SRGN: variants seen among roughly 807,000 people sequenced by gnomAD.
SRGN encodes the protein hematopoetic proteoglycan core peptide.
Under a neutral mutation model 9.5 loss-of-function variants are expected in SRGN, and 2 were observed. The ratio of observed to expected loss-of-function variants is 0.21; its 90% CI spans 0.09 to 0.66. The LOEUF is 0.66. Ranked by LOEUF, SRGN falls within the 30% of genes least tolerant of loss-of-function variation. The pLI, the probability that SRGN is intolerant of heterozygous loss-of-function variation, is 0.83. For synonymous variants in SRGN, 59 were observed against 72.3 expected (o/e 0.82, Z 0.93); for missense variants, 170 against 192.4 (o/e 0.88, Z 0.69).
At chr10:69,099,533 A>C (rs1330952275) in intron 2 of SRGN, among the ~76,000 whole-genome samples, 1 of 151,816 alleles carries the variant, frequency 6.6e-6, no homozygotes, top group African/African-American at 2.4e-5. Context: ...ATGTACTCCT[A>C]AACTCAAGCA....
At chr10:69,092,363 T>C (rs1051440266) in intron 1 of SRGN, among the ~76,000 whole-genome samples, 1 of 152,234 alleles carries the variant, frequency 6.6e-6, no homozygotes, top group Admixed American at 6.5e-5. Flanking sequence ...TTAAAGTACA[T>C]TTAACATCAT....
At chr10:69,095,866 C>G (rs1048878405) in intron 1 of SRGN, among the ~76,000 whole-genome samples, 2 of 151,956 alleles carry the variant, frequency 1.3e-5, no homozygotes, top group Non-Finnish European at 2.9e-5. Flanking sequence ...GAGCCGAGAT[C>G]GTGACAGTGC....
At position 69,088,199 on chromosome 10, in the gene SRGN, T is replaced by C; in HGVS notation, c.42T>C (p.Ala14=). ...KLLKCSRLVL[A]LALILVLESS... is the part of the protein sequence containing the mutation. ...TCAAATGCAGTCGGCTTGTCCTGGC[T>C]CTTGCCCTCATCCTGGTTCTGGAAT... The change falls in exon 1 of 3, where the codon GCT becomes GCC. Residue 14 remains alanine, a synonymous_variant. Coordinates refer to ENST00000242465, the MANE Select transcript of SRGN (RefSeq NM_002727.4). The C allele has an allele frequency of 3.7e-6, 6 of 1,614,228 alleles. No homozygotes were observed. The highest frequency in any genetic ancestry group is 5.1e-6 in the Non-Finnish European group (6 of 1,180,046).
chr10:69,087,657 T>C (rs1019709654), upstream of SRGN, among the ~76,000 whole-genome samples: 1 of 151,750 alleles, frequency 6.6e-6, no homozygotes, highest in Non-Finnish European at 1.5e-5. Flanking sequence ...CTTGGCTCAG[T>C]GAGGTATGTT....
intron 1 of SRGN, among the ~76,000 whole-genome samples, chr10:69,091,363 T>C (rs1250761402): frequency 6.6e-6 from 1 of 152,018 alleles, no homozygotes; most frequent in Non-Finnish European, 1.5e-5. Flanking sequence ...TCCCACTGAG[T>C]TGAGGGAGAA....
In SRGN at chr10:69,104,032, A is replaced by G; in HGVS notation, c.389A>G (p.His130Arg). The change falls in exon 3 of 3, where the codon CAT (histidine) becomes CGT (arginine). Residue 130 changes from histidine to arginine, a missense_variant. His to Arg is a conservative substitution (Grantham distance 29, BLOSUM62 0). Transcript: ENST00000242465. ...YQLVDESDAF[H>R]DNLRSLDRNL... is the part of the protein sequence containing the mutation. ...CTAGTAGACGAAAGTGATGCTTTCC[A>G]TGACAACCTTAGGTCTCTTGACAGG... The G allele has an allele frequency of 6.2e-7, 1 of 1,614,222 alleles. No individual in the cohort carries two copies. Among genetic ancestry groups the G allele is most frequent in the Non-Finnish European group, 8.5e-7 (1 of 1,180,030 alleles).
intron 2 of SRGN, among the ~76,000 whole-genome samples, chr10:69,099,413 G>T (rs1195540457): frequency 8.0e-5 from 12 of 150,154 alleles, no homozygotes; most frequent in Non-Finnish European, 1.5e-5. Flanking sequence ...TGATCTTCCT[G>T]CCTCAGCCTC....
chr10:69,100,596 C>T (rs928344821), intron 2 of SRGN, among the ~76,000 whole-genome samples: 2 of 152,102 alleles, frequency 1.3e-5, no homozygotes, highest in Non-Finnish European at 2.9e-5. Flanking sequence ...CCCGTCATTG[C>T]GAAAGAATGG....
At chr10:69,097,314 G>A (rs1337981443) in intron 2 of SRGN, 83 bp downstream of exon 2, 8 of 1,178,154 alleles carry the variant, frequency 6.8e-6, no homozygotes, top group African/African-American at 1.5e-5. Flanking sequence ...AGGCTGGAGT[G>A]CAATGGCGCA....
chr10:69,100,994 T>A lies in SRGN; in HGVS notation c.228-2877T>A, dbSNP rs1276314628. ...TTTTCTTTCTTTCTTTCTTTTTTTT[T>A]TTTTTTTTACAGAGTCTCACTCTTG... is the stretch of plus-strand genomic sequence containing the variant. On this transcript the variant is annotated intron_variant, in intron 2 of 2. Coordinates refer to ENST00000242465, the MANE Select transcript of SRGN (RefSeq NM_002727.4). 4.2e-3 allele frequency among the ~76,000 whole-genome samples: 638 copies of A among 151,506 alleles called. 6 individuals are homozygous for A. Among genetic ancestry groups the A allele is most frequent in the African/African-American group, 0.014 (592 of 41,294 alleles).
At chr10:69,089,327 T>C (rs1244923341) in intron 1 of SRGN, among the ~76,000 whole-genome samples, 2 of 152,210 alleles carry the variant, frequency 1.3e-5, no homozygotes, top group African/African-American at 2.4e-5. Context: ...ACATTGTCAA[T>C]TGTAGGGAAC....
chr10:69,100,648 T>C (rs1340730250), intron 2 of SRGN, among the ~76,000 whole-genome samples: 1 of 152,062 alleles, frequency 6.6e-6, no homozygotes, highest in Admixed American at 6.6e-5. Flanking sequence ...TGCCCTCAGA[T>C]CCTCCTGTCC....
At chr10:69,090,107 G>A (rs1311838730) in intron 1 of SRGN, among the ~76,000 whole-genome samples, 1 of 152,172 alleles carries the variant, frequency 6.6e-6, no homozygotes, top group Non-Finnish European at 1.5e-5. Flanking sequence ...TCGGGCTCAA[G>A]GGCTTGTGCC....
At chr10:69,090,203 G>A (rs2855022) in intron 1 of SRGN, among the ~76,000 whole-genome samples, 76,350 of 152,056 alleles carry the variant, frequency 0.5, 20,923 homozygotes, top group Middle Eastern at 0.7. Context: ...GTGAAGAGTC[G>A]TGACACCATT....
chr10:69,088,138 A>C lies in SRGN; in HGVS notation c.-20A>C. 1.2e-6 allele frequency: 2 copies of C among 1,610,842 alleles called. No homozygotes were observed. The highest frequency in any genetic ancestry group is 1.7e-6 in the Non-Finnish European group (2 of 1,177,092). On this transcript the variant is annotated 5_prime_UTR_variant, in exon 1 of 3. Coordinates refer to ENST00000242465, the MANE Select transcript of SRGN (RefSeq NM_002727.4). ...ATCAAGAAGTTGGCGTGCAGCTGGG[A>C]GAGCTAGACTAAGTTGGTCATGATG...
At chr10:69,100,713 C>T (rs1413667674) in intron 2 of SRGN, among the ~76,000 whole-genome samples, 3 of 152,084 alleles carry the variant, frequency 2.0e-5, no homozygotes, top group Non-Finnish European at 4.4e-5. Flanking sequence ...TGGAACTGAC[C>T]CCTGGCGTCT....
At chr10:69,101,828 C>A (rs1840298144) in intron 2 of SRGN, among the ~76,000 whole-genome samples, 1 of 152,186 alleles carries the variant, frequency 6.6e-6, no homozygotes, top group African/African-American at 2.4e-5. Flanking sequence ...AGGAGGATCA[C>A]TTGAGCCCAG....
intron 1 of SRGN, among the ~76,000 whole-genome samples, chr10:69,090,209 C>T (rs1386361891): frequency 1.3e-5 from 2 of 152,198 alleles, no homozygotes; most frequent in South Asian, 4.1e-4. Context: ...AGTCGTGACA[C>T]CATTTCCTCA....
intron 1 of SRGN, among the ~76,000 whole-genome samples, chr10:69,091,855 GGGC>G (rs1840062227): frequency 8.9e-6 from 1 of 112,922 alleles, no homozygotes; most frequent in Non-Finnish European, 1.7e-5. Flanking sequence ...ACTCCAGCCT[GGGC>G]GATAGACTGA....
Sources: allele counts gnomAD v4.1 joint callset (sites outside exome capture counted in the v4.1 genomes callset), GRCh38; gene constraint gnomAD v4.1.1; transcripts MANE v1.5; gene names NCBI Gene and HGNC (gene_info 2026-07-23, HGNC 2026-07-21).